Variants in RARB observed in about 807,000 individuals in gnomAD.
RARB encodes the protein HBV-activated protein.
Under a neutral mutation model 51.9 loss-of-function variants are expected in RARB, and 17 were observed. The observed-to-expected ratio is 0.33, with a 90% CI of 0.22 to 0.49. The LOEUF (loss-of-function observed/expected upper bound fraction) is 0.49, where lower values mean the gene tolerates loss of function less well. RARB is among the 20% of genes least tolerant of loss of function. The pLI, the probability that RARB is intolerant of heterozygous loss-of-function variation, is 0.99. For synonymous variants in RARB, 215 were observed against 195.4 expected (o/e 1.10, Z -0.84); for missense variants, 369 against 550.8 (o/e 0.67, Z 3.30).
chr3:25,087,170 C>T (rs79154524), intron 3 of RARB, among the ~76,000 whole-genome samples: 7,909 of 152,166 alleles, frequency 0.052, 332 homozygotes, highest in African/African-American at 0.1. Context: ...TAATACTGGT[C>T]AGCTGTGGCT....
chr3:25,174,486 C>T (rs756703369), exon 5 of RARB: 3 of 1,352,144 alleles, frequency 2.2e-6, no homozygotes, highest in Non-Finnish European at 2.9e-6. Flanking sequence ...TTACTCTTTC[C>T]ACCTGTCATC....
At chr3:25,580,848 C>T (rs1259508564) in intron 5 of RARB, 126 bp downstream of exon 5, 1 of 1,065,978 alleles carries the variant, frequency 9.4e-7, no homozygotes, top group South Asian at 2.1e-5. Context: ...CTAGCACTCA[C>T]CTGACTTAGT....
At chr3:24,871,255 A>C (rs954920510) in intron 2 of RARB, among the ~76,000 whole-genome samples, 2 of 152,088 alleles carry the variant, frequency 1.3e-5, no homozygotes, top group African/African-American at 2.4e-5. Context: ...GAGAATTTTT[A>C]TTTTAGTTGT....
At chr3:24,907,584 G>A (rs1438795702) in intron 2 of RARB, among the ~76,000 whole-genome samples, 1 of 152,126 alleles carries the variant, frequency 6.6e-6, no homozygotes, top group Non-Finnish European at 1.5e-5. Flanking sequence ...GTGGAAGTAT[G>A]GTTAGTATGA....
rs869216441 is a variant in RARB, at chr3:25,210,553, T to TTTTTTCTTTTTTGA, written c.178+35978_178+35979insTTTTTCTTTTTTGA. On this transcript the variant is annotated intron_variant, in intron 5 of 11. Transcript: ENST00000383772. The stretch of plus-strand genomic sequence containing the variant: ...TCTTTTTTTTTTTTTTTTTTTTTTT[T>TTTTTTCTTTTTTGA]GAGATTGAGTCTCACTCTGTTGCCC... Among the ~76,000 whole-genome samples the TTTTTTCTTTTTTGA allele has an allele frequency of 2.4e-5, 2 of 82,498 alleles. 1 individual carries two copies. The highest frequency in any genetic ancestry group is 4.9e-5 in the Non-Finnish European group (2 of 40,910). The allele number at this position is 82,498 out of a possible 152,430, so 54.1% of individuals were successfully genotyped here.
intron 5 of RARB, among the ~76,000 whole-genome samples, chr3:25,307,112 C>G (rs528672196): frequency 2.0e-5 from 3 of 152,104 alleles, no homozygotes; most frequent in Non-Finnish European, 4.4e-5. Flanking sequence ...AGATCAGGTG[C>G]GATGGCTCAT....
chr3:25,018,528 G>T (rs1289428805), intron 2 of RARB, among the ~76,000 whole-genome samples: 2 of 152,110 alleles, frequency 1.3e-5, no homozygotes, highest in Non-Finnish European at 2.9e-5. Context: ...TTTATTAAAG[G>T]TGTTTCTCTC....
At chr3:25,266,526 T>A (rs1301885591) in intron 5 of RARB, among the ~76,000 whole-genome samples, 1 of 152,218 alleles carries the variant, frequency 6.6e-6, no homozygotes, top group African/African-American at 2.4e-5. Flanking sequence ...TACAGAAGTT[T>A]AAAATTTTTA....
At chr3:24,937,787 G>A (rs1347422276) in intron 2 of RARB, among the ~76,000 whole-genome samples, 1 of 152,080 alleles carries the variant, frequency 6.6e-6, no homozygotes, top group African/African-American at 2.4e-5. Flanking sequence ...TGTTTGGCAT[G>A]CAGAGTTTTT....
chr3:25,476,954 C>G (rs1292206304), intron 2 of RARB, among the ~76,000 whole-genome samples: 1 of 152,182 alleles, frequency 6.6e-6, no homozygotes, highest in Non-Finnish European at 1.5e-5. Flanking sequence ...CACAGCAAAT[C>G]TTGGCATGAT....
chr3:25,106,907 T>G (rs927622133), intron 3 of RARB, among the ~76,000 whole-genome samples: 7 of 151,596 alleles, frequency 4.6e-5, no homozygotes, highest in Non-Finnish European at 7.4e-5. Context: ...TGCATTTTTT[T>G]TTGTTGTTGT....
intron 2 of RARB, among the ~76,000 whole-genome samples, chr3:25,015,036 G>C (rs1697478648): frequency 6.6e-6 from 1 of 152,116 alleles, no homozygotes; most frequent in East Asian, 1.9e-4. Flanking sequence ...CAGATTTGAA[G>C]TGCTCGTAAT....
chr3:25,332,800 C>G (rs1218547715), intron 5 of RARB, among the ~76,000 whole-genome samples: 1 of 152,168 alleles, frequency 6.6e-6, no homozygotes, highest in Non-Finnish European at 1.5e-5. Flanking sequence ...CCAAAATCTC[C>G]TTAAGCTGTT....
intron 5 of RARB, among the ~76,000 whole-genome samples, chr3:25,294,916 G>A (rs1411027731): frequency 2.0e-5 from 3 of 152,112 alleles, no homozygotes; most frequent in African/African-American, 4.8e-5. Context: ...ACAGGGTATC[G>A]AGGTGTATAC....
chr3:24,957,381 A>AG (rs1317186721), intron 2 of RARB, among the ~76,000 whole-genome samples: 1 of 152,180 alleles, frequency 6.6e-6, no homozygotes, highest in Non-Finnish European at 1.5e-5. Context: ...AATATTATTG[A>AG]GGGGTCTTAC....
chr3:25,477,704 T>C (rs977806531), intron 2 of RARB, among the ~76,000 whole-genome samples: 9 of 152,228 alleles, frequency 5.9e-5, no homozygotes, highest in Non-Finnish European at 1.2e-4. Flanking sequence ...AAATATTGTA[T>C]ATGGTTAAAA....
intron 5 of RARB, among the ~76,000 whole-genome samples, chr3:25,583,646 C>T (rs775059511): frequency 1.3e-5 from 2 of 152,190 alleles, no homozygotes; most frequent in African/African-American, 2.4e-5. Context: ...TGGAAGGCCT[C>T]ACCTGTCCTG....
intron 3 of RARB, among the ~76,000 whole-genome samples, chr3:25,511,766 C>T (rs903219774): frequency 2.0e-5 from 3 of 152,164 alleles, no homozygotes; most frequent in Admixed American, 6.5e-5. Context: ...TACTGCCTGC[C>T]GCTAACCCTT....
At chr3:25,267,567 C>A (rs1384099794) in intron 5 of RARB, among the ~76,000 whole-genome samples, 2 of 152,142 alleles carry the variant, frequency 1.3e-5, no homozygotes, top group Non-Finnish European at 2.9e-5. Flanking sequence ...TTTAGAATAA[C>A]TTTCTGGCTT....
Sources: allele counts gnomAD v4.1 joint callset (sites outside exome capture counted in the v4.1 genomes callset), GRCh38; gene constraint gnomAD v4.1.1; transcripts MANE v1.5; gene names NCBI Gene and HGNC (gene_info 2026-07-23, HGNC 2026-07-21).